The following ARHGEF7 variants were observed in gnomAD, a reference collection of about 807,000 sequenced individuals.
ARHGEF7 encodes the protein Rho guanine nucleotide exchange factor 7.
In ARHGEF7, 33 loss-of-function variants were observed where a neutral mutation model predicts 109.8. The observed-to-expected ratio is 0.30, with a 90% CI of 0.23 to 0.40. ARHGEF7 has a LOEUF of 0.40. Among genes scored for constraint, ARHGEF7 ranks in the 10% least tolerant of loss-of-function variants. The probability of loss-of-function intolerance (pLI) is 1.00; values close to 1 mark genes in which losing one functional copy is unlikely to be tolerated. For synonymous variants in ARHGEF7, 458 were observed against 424.6 expected, an observed-to-expected ratio of 1.08 and a Z score of -0.97; for missense variants, 938 against 1,098.5, an observed-to-expected ratio of 0.85 and a Z score of 2.07.
chr13:111,293,666 T>C (rs1735084610), intron 19 of ARHGEF7: 1 of 985,298 alleles, frequency 1.0e-6, no homozygotes. Flanking sequence ...TTTTAAGTAT[T>C]CATTGAAACC....
At chr13:111,137,184 C>T (rs1361591789) in intron 1 of ARHGEF7, among the ~76,000 whole-genome samples, 4 of 152,212 alleles carry the variant, frequency 2.6e-5, no homozygotes, top group Non-Finnish European at 5.9e-5. Flanking sequence ...GAGCTGGTAC[C>T]ATTCCTTCTG....
intron 2 of ARHGEF7, among the ~76,000 whole-genome samples, chr13:111,165,720 TG>T (rs762830082): frequency 1.3e-5 from 2 of 152,198 alleles, no homozygotes; most frequent in Non-Finnish European, 2.9e-5. Flanking sequence ...GAGGGCTTCG[TG>T]CTCCTGAGTT....
chr13:111,244,016 G>A, intron 7 of ARHGEF7, 50 bp downstream of exon 7: 2 of 1,447,464 alleles, frequency 1.4e-6, no homozygotes, highest in Non-Finnish European at 9.6e-7. Flanking sequence ...TAAACCTTAG[G>A]CTGTTCTCTT....
At chr13:111,234,034 C>T (rs1008832976) in intron 6 of ARHGEF7, among the ~76,000 whole-genome samples, 4 of 152,188 alleles carry the variant, frequency 2.6e-5, no homozygotes, top group African/African-American at 9.7e-5. Context: ...AGTAAACCCT[C>T]TAAACATGTG....
At chr13:111,147,772 A>T (rs961787072) in intron 1 of ARHGEF7, among the ~76,000 whole-genome samples, 1 of 132,730 alleles carries the variant, frequency 7.5e-6, no homozygotes, top group Admixed American at 9.4e-5. Context: ...ATCTCGGCTC[A>T]CTGCAAGCTC....
chr13:111,115,008 T>G (rs1009840831), upstream of ARHGEF7: 24 of 151,776 alleles, frequency 1.6e-4, no homozygotes, highest in African/African-American at 5.3e-4. Flanking sequence ...AAACAAAGGC[T>G]TCCGAGTGCC....
At chr13:111,165,835 A>G (rs2077083912) in intron 2 of ARHGEF7, among the ~76,000 whole-genome samples, 1 of 152,078 alleles carries the variant, frequency 6.6e-6, no homozygotes, top group South Asian at 2.1e-4. Flanking sequence ...TTCTCATGAG[A>G]CTCAAATGGA....
intron 4 of ARHGEF7, among the ~76,000 whole-genome samples, chr13:111,210,319 A>G (rs2274206): frequency 0.45 from 68,992 of 152,108 alleles, 16,414 homozygotes; most frequent in South Asian, 0.56. Flanking sequence ...TCAGCTATGC[A>G]CATGTACAGA....
In ARHGEF7 at chr13:111,258,885, C is replaced by T. The variant is rs1273572620; in HGVS notation, c.951-8663C>T. On this transcript the variant is annotated intron_variant, in intron 8 of 21. Coordinates refer to ENST00000646102, the MANE Select transcript of ARHGEF7 (RefSeq NM_001354046.2). This position sits in a 1 kb window ranked among gnomAD's most constrained non-coding sequence, Gnocchi z 4.4. ...AGAGTCTCAGGCCTGGTGGCATTCA[C>T]CACAAACTGACTGAAGAGTCCTTGG... Among the ~76,000 whole-genome samples the T allele has an allele frequency of 6.6e-6, 1 of 151,596 alleles. No homozygotes were observed. Among genetic ancestry groups the T allele is most frequent in the African/African-American group, 2.4e-5 (1 of 41,206 alleles).
intron 4 of ARHGEF7, among the ~76,000 whole-genome samples, chr13:111,212,993 TAAAAA>T (rs2082680876): frequency 3.3e-5 from 5 of 152,062 alleles, no homozygotes; most frequent in Admixed American, 3.3e-4. Context: ...AAAGTTGGAG[TAAAAA>T]TTGTGTCTCC....
intron 1 of ARHGEF7, among the ~76,000 whole-genome samples, chr13:111,123,558 A>C (rs1283220836): frequency 6.6e-6 from 1 of 152,216 alleles, no homozygotes; most frequent in East Asian, 1.9e-4. Context: ...GTCCATCCCA[A>C]TCACAAGAGT....
At chr13:111,179,138 G>A (rs940856716) in intron 2 of ARHGEF7, among the ~76,000 whole-genome samples, 1 of 150,806 alleles carries the variant, frequency 6.6e-6, no homozygotes, top group Non-Finnish European at 1.5e-5. Context: ...GAGTGCAGTA[G>A]TGCAACCTCA....
chr13:111,247,904 C>T (rs1334023680), intron 8 of ARHGEF7, among the ~76,000 whole-genome samples: 1 of 152,198 alleles, frequency 6.6e-6, no homozygotes, highest in Non-Finnish European at 1.5e-5. Context: ...GTGCTTTCTT[C>T]CTTGGGGCCT....
chr13:111,281,306 C>T (rs1294147981), intron 15 of ARHGEF7, among the ~76,000 whole-genome samples: 6 of 145,492 alleles, frequency 4.1e-5, no homozygotes, highest in East Asian at 4.2e-4. Flanking sequence ...TTTTAACAGT[C>T]GTCATCTTTA....
chr13:111,287,600 G>A (rs2093076404), intron 17 of ARHGEF7, among the ~76,000 whole-genome samples: 1 of 152,236 alleles, frequency 6.6e-6, no homozygotes, highest in African/African-American at 2.4e-5. Flanking sequence ...GGGAGGACAG[G>A]TGGGAGATTC....
At chr13:111,181,134 A>G (rs556534480) in intron 2 of ARHGEF7, among the ~76,000 whole-genome samples, 37 of 152,362 alleles carry the variant, frequency 2.4e-4, no homozygotes, top group African/African-American at 8.2e-4. Flanking sequence ...TCAAACTTCA[A>G]CAACTTTATG....
chr13:111,253,582 G>A (rs1014641239), intron 8 of ARHGEF7, among the ~76,000 whole-genome samples: 1 of 152,168 alleles, frequency 6.6e-6, no homozygotes, highest in Non-Finnish European at 1.5e-5. Context: ...GCAAACAGTG[G>A]AGATAGCAGG....
intron 2 of ARHGEF7, among the ~76,000 whole-genome samples, chr13:111,172,418 C>T (rs1050949422): frequency 6.6e-6 from 1 of 152,218 alleles, no homozygotes; most frequent in African/African-American, 2.4e-5. Flanking sequence ...CTTAATATCC[C>T]TGAAGTCATG....
chr13:111,207,965 C>T (rs929717634), intron 3 of ARHGEF7, among the ~76,000 whole-genome samples: 2 of 152,200 alleles, frequency 1.3e-5, no homozygotes, highest in African/African-American at 4.8e-5. Flanking sequence ...GGAATGACCC[C>T]TCCTAGATGG....
Sources: gnomAD v4.1 joint callset for allele counts (sites outside exome capture counted in the v4.1 genomes callset) on GRCh38, gnomAD v4.1.1 for gene constraint, Gnocchi (gnomAD v3.1) non-coding constraint, MANE v1.5 for transcripts, NCBI Gene and HGNC (gene_info 2026-07-23, HGNC 2026-07-21) for gene names.